The following CPSF6 variants were observed in gnomAD, a reference collection of about 807,000 sequenced individuals.
CPSF6 encodes cleavage and polyadenylation specific factor 6.
A neutral mutation model predicts 56.7 loss-of-function variants in CPSF6; 10 were observed. That is an observed-to-expected ratio of 0.18 (90% confidence interval 0.11 to 0.30). The LOEUF is 0.30. CPSF6 is among the 10% of genes least tolerant of loss of function. The probability of loss-of-function intolerance (pLI) is 1.00; values close to 1 mark genes in which losing one functional copy is unlikely to be tolerated. For missense variants in CPSF6, 419 were observed against 722.9 expected, an observed-to-expected ratio of 0.58 and a Z score of 4.82; for synonymous variants, 248 against 244.8, an observed-to-expected ratio of 1.01 and a Z score of -0.12.
chr12:69,256,944 A>T, intron 4 of CPSF6, 102 bp downstream of exon 4: 1 of 986,206 alleles, frequency 1.0e-6, no homozygotes, highest in Non-Finnish European at 1.5e-6. Flanking sequence ...GCTCACTAGG[A>T]ACTCCATTTC....
At position 69,256,689 on chromosome 12, in the gene CPSF6, C is replaced by T; in HGVS notation, c.375-8C>T. ...ACTTTGTATCCTCACCCCTTAAACA[C>T]TTTTTAGGTTTGCCCTTGTTGGTGT... On this transcript the variant is annotated splice_polypyrimidine_tract_variant and splice_region_variant and intron_variant, in intron 3 of 9. Coordinates refer to ENST00000435070, the MANE Select transcript of CPSF6 (RefSeq NM_007007.3). 6.2e-7 allele frequency: 1 copy of T among 1,607,076 alleles called. No homozygotes were observed. The highest frequency in any genetic ancestry group is 1.3e-5 in the African/African-American group (1 of 74,588).
intron 9 of CPSF6, among the ~76,000 whole-genome samples, chr12:69,266,759 C>G (rs959052388): frequency 6.6e-6 from 1 of 152,048 alleles, no homozygotes; most frequent in South Asian, 2.1e-4. Flanking sequence ...TGGGAACAAA[C>G]CTCATTTTTC....
intron 3 of CPSF6, among the ~76,000 whole-genome samples, chr12:69,253,485 T>C (rs913439151): frequency 6.6e-6 from 1 of 152,192 alleles, no homozygotes; most frequent in African/African-American, 2.4e-5. Context: ...TGGGAGAAGA[T>C]GGGCAACTGA....
At chr12:69,262,225 T>C (rs1365375974) in intron 8 of CPSF6, 148 bp from the exon 9 acceptor site, 1 of 894,280 alleles carries the variant, frequency 1.1e-6, no homozygotes, top group Non-Finnish European at 1.5e-6. Flanking sequence ...GGTGAGTTGG[T>C]AAGTCGTTAT....
Position 69,259,032 on chromosome 12 carries a change from A to G in CPSF6, c.1137A>G (p.Pro379=). Residue 379 remains proline (P), a synonymous_variant, in exon 6 of 10, where the codon CCA becomes CCG. Transcript: ENST00000435070. ...CTACATCAGATAGCCGAGGTCCACC[A>G]CCAACAGATCCATATGGGCGACCTC... ...GMPTSDSRGP[P]PTDPYGRPPP... The G allele has an allele frequency of 6.2e-7, 1 of 1,607,804 alleles. No individual in the cohort carries two copies. The highest frequency in any genetic ancestry group is 8.5e-7 in the Non-Finnish European group (1 of 1,180,006).
chr12:69,241,187 T>A (rs2120396453), intron 1 of CPSF6, among the ~76,000 whole-genome samples: 1 of 152,374 alleles, frequency 6.6e-6, no homozygotes, highest in South Asian at 2.1e-4. Context: ...AAGACTGGAT[T>A]TGTTTAAATG....
At chr12:69,241,837 G>T (rs1871637834) in intron 1 of CPSF6, among the ~76,000 whole-genome samples, 1 of 151,260 alleles carries the variant, frequency 6.6e-6, no homozygotes, top group Non-Finnish European at 1.5e-5. Flanking sequence ...CATTGTTTTT[G>T]CTACTTTGCA....
rs1871488598 is a variant in CPSF6 at position 69,239,629 on chromosome 12, G to GGCGGCC, written c.-16_-15insGGCCGC. ...TGCAGGAGGCGGCGGCGGCGGCGGC[G>GGCGGCC]GCCGAGGCTGAAGGAAGATGGCGGA... On this transcript the variant is annotated 5_prime_UTR_variant, in exon 1 of 10. Coordinates refer to ENST00000435070, the MANE Select transcript of CPSF6 (RefSeq NM_007007.3). 1 of 1,563,090 alleles carries GGCGGCC rather than the reference G, an allele frequency of 6.4e-7. No individual in the cohort carries two copies. Among genetic ancestry groups the GGCGGCC allele is most frequent in the Middle Eastern group, 1.7e-4 (1 of 5,898 alleles).
intron 3 of CPSF6, among the ~76,000 whole-genome samples, chr12:69,253,607 T>C (rs1872357516): frequency 6.6e-6 from 1 of 152,152 alleles, no homozygotes; most frequent in Admixed American, 6.5e-5. Context: ...GAAAATAAAA[T>C]ACCACTGTCC....
At chr12:69,241,591 A>G (rs978384084) in intron 1 of CPSF6, among the ~76,000 whole-genome samples, 1 of 152,200 alleles carries the variant, frequency 6.6e-6, no homozygotes, top group African/African-American at 2.4e-5. Context: ...TTTGAGAGGG[A>G]CATCTCCCTT....
chr12:69,257,676 C>T (rs932582534), intron 4 of CPSF6, 56 bp from the exon 5 acceptor site: 11 of 1,487,066 alleles, frequency 7.4e-6, no homozygotes, highest in African/African-American at 2.8e-5. Context: ...ATAGTGGTTA[C>T]ATTTCAGAAA....
At chr12:69,251,085 AT>A in intron 1 of CPSF6, 43 bp from the exon 2 acceptor site, 1 of 1,553,108 alleles carries the variant, frequency 6.4e-7, no homozygotes, top group Non-Finnish European at 8.7e-7. Context: ...TTTTAGTAGT[AT>A]TTTGACTTTT....
At chr12:69,267,328 ACTT>A (rs1873039847) in intron 9 of CPSF6, among the ~76,000 whole-genome samples, 1 of 151,954 alleles carries the variant, frequency 6.6e-6, no homozygotes, top group African/African-American at 2.4e-5. Context: ...AAATACAAGT[ACTT>A]CTCTGTGTGT....
chr12:69,242,668 C>G (rs1871688144), intron 1 of CPSF6, among the ~76,000 whole-genome samples: 1 of 152,182 alleles, frequency 6.6e-6, no homozygotes, highest in South Asian at 2.1e-4. Flanking sequence ...CTCTCTATTA[C>G]TTGAAGTTGA....
intron 1 of CPSF6, among the ~76,000 whole-genome samples, chr12:69,240,596 AAG>A (rs2120389989): frequency 6.6e-6 from 1 of 152,254 alleles, no homozygotes; most frequent in South Asian, 2.1e-4. Context: ...ATTAAAATGA[AAG>A]AACGTTCACC....
chr12:69,254,193 AT>A (rs777443518), intron 3 of CPSF6, among the ~76,000 whole-genome samples: 6 of 150,502 alleles, frequency 4.0e-5, no homozygotes, highest in Non-Finnish European at 5.9e-5. Context: ...TAAAAAAAAA[AT>A]GACATTCTGC....
chr12:69,251,362 T>A, intron 2 of CPSF6, 24 bp downstream of exon 2: 1 of 1,388,650 alleles, frequency 7.2e-7, no homozygotes, highest in Non-Finnish European at 1.0e-6. Context: ...ATATAAGAAT[T>A]AAATTATTGG....
chr12:69,273,122 A>G lies in CPSF6; in HGVS notation c.*3614A>G, dbSNP rs1181408866. The G allele has an allele frequency of 2.2e-6, 1 of 458,176 alleles. No individual in the cohort carries two copies. The highest frequency in any genetic ancestry group is 5.9e-5 in the East Asian group (1 of 17,066). The allele number at this position is 458,176 out of a possible 1,614,324, so 28.4% of individuals were successfully genotyped here. A position where few individuals can be genotyped will look rare whatever the true frequency, so the allele number is the denominator to read the frequency against. On this transcript the variant is annotated 3_prime_UTR_variant, in exon 10 of 10. Transcript: ENST00000435070. Reference sequence around the variant, plus strand: ...GATTAAAGTTTCATTGTAAGTTGAAATAGAAAATGTATTAAAATGTCTAGG... The same window carrying G: ...GATTAAAGTTTCATTGTAAGTTGAAGTAGAAAATGTATTAAAATGTCTAGG...
intron 9 of CPSF6, among the ~76,000 whole-genome samples, chr12:69,268,429 A>G (rs1161192278): frequency 6.6e-6 from 1 of 151,776 alleles, no homozygotes; most frequent in African/African-American, 2.4e-5. Context: ...TTAAGATACA[A>G]CCTAGGAAAG....
Sources: gnomAD v4.1 joint callset for allele counts (sites outside exome capture counted in the v4.1 genomes callset) on GRCh38, gnomAD v4.1.1 for gene constraint, MANE v1.5 for transcripts, NCBI Gene and HGNC (gene_info 2026-07-23, HGNC 2026-07-21) for gene names.